Variants in PPARGC1A observed in about 807,000 individuals in gnomAD.
PPARGC1A encodes peroxisome proliferator-activated receptor gamma coactivator 1-alpha.
A neutral mutation model predicts 88.7 loss-of-function variants in PPARGC1A; 25 were observed. That is an observed-to-expected ratio of 0.28 (90% CI 0.21 to 0.39). The LOEUF is 0.39. Ranked by LOEUF, PPARGC1A falls within the 10% of genes least tolerant of loss-of-function variation. The probability of loss-of-function intolerance (pLI) is 1.00; values close to 1 mark genes in which losing one functional copy is unlikely to be tolerated. For missense variants in PPARGC1A, 880 were observed against 968.7 expected (o/e 0.91, Z 1.22); for synonymous variants, 363 against 355.6 (o/e 1.02, Z -0.24).
chr4:24,271,465 C>T, the PPARGC1A span, among the ~76,000 whole-genome samples: 1 of 152,152 alleles, frequency 6.6e-6, no homozygotes, highest in Non-Finnish European at 1.5e-5. Context: ...GTAAGCTCCA[C>T]CACCCAGGTT....
At chr4:23,996,627 T>C in the PPARGC1A span, among the ~76,000 whole-genome samples, 2 of 152,122 alleles carry the variant, frequency 1.3e-5, no homozygotes, top group Non-Finnish European at 1.5e-5. Context: ...CTAATGTGTC[T>C]GTTTCTACAA....
chr4:23,990,637 T>G, the PPARGC1A span, among the ~76,000 whole-genome samples: 1 of 151,982 alleles, frequency 6.6e-6, no homozygotes, highest in Non-Finnish European at 1.5e-5. Flanking sequence ...GAGAACTGAG[T>G]TAGTGCACTC....
the PPARGC1A span, among the ~76,000 whole-genome samples, chr4:24,243,205 T>C: frequency 6.6e-6 from 1 of 152,188 alleles, no homozygotes; most frequent in Non-Finnish European, 1.5e-5. Flanking sequence ...ATCATGACCA[T>C]AATTCACTCC....
chr4:24,077,413 C>A, the PPARGC1A span, among the ~76,000 whole-genome samples: 1 of 151,974 alleles, frequency 6.6e-6, no homozygotes, highest in Middle Eastern at 3.2e-3. Flanking sequence ...ATTTTATTCC[C>A]ATGGCAATGG....
chr4:24,145,042 A>G, the PPARGC1A span, among the ~76,000 whole-genome samples: 113 of 150,860 alleles, frequency 7.5e-4, no homozygotes, highest in African/African-American at 2.5e-3. Context: ...TGCAGTTTCA[A>G]GCACATCTGT....
the PPARGC1A span, among the ~76,000 whole-genome samples, chr4:24,140,207 T>G: frequency 6.6e-6 from 1 of 152,004 alleles, no homozygotes; most frequent in East Asian, 1.9e-4. Context: ...CAGCCAAGGG[T>G]AAACACAAGG....
At chr4:24,370,648 C>T in the PPARGC1A span, among the ~76,000 whole-genome samples, 1 of 151,752 alleles carries the variant, frequency 6.6e-6, no homozygotes. Context: ...GAATTACATG[C>T]TCCAGACTCC....
In PPARGC1A at chr4:23,840,120, C is replaced by T. The variant is rs10032795; in HGVS notation, c.235-8369G>A. Among the ~76,000 whole-genome samples the T allele has an allele frequency of 4.9e-3, 749 of 152,190 alleles. 5 individuals carry two copies. The highest frequency in any genetic ancestry group is 0.016 in the African/African-American group (685 of 41,540). ...AAACCCCTCTTCTGACCAAACCCTC[C>T]GTGGCTTCTCATGTCTCTAAGACTA... On this transcript the variant is annotated intron_variant, in intron 2 of 12. Coordinates refer to ENST00000264867, the MANE Select transcript of PPARGC1A (RefSeq NM_013261.5).
chr4:24,071,182 C>A, the PPARGC1A span, among the ~76,000 whole-genome samples: 4 of 152,110 alleles, frequency 2.6e-5, no homozygotes, highest in Non-Finnish European at 5.9e-5. Context: ...ACCATCCCCA[C>A]CTCAGTATGA....
the PPARGC1A span, among the ~76,000 whole-genome samples, chr4:24,072,466 C>A: frequency 3.3e-5 from 5 of 152,066 alleles, no homozygotes; most frequent in African/African-American, 1.2e-4. Flanking sequence ...TGCCTCCTCT[C>A]GATTTTTTCA....
chr4:24,015,732 A>G, the PPARGC1A span, among the ~76,000 whole-genome samples: 11 of 152,166 alleles, frequency 7.2e-5, no homozygotes, highest in African/African-American at 2.4e-4. Flanking sequence ...AGATGTGTTA[A>G]GTTGCATCTT....
chr4:24,194,508 T>G, the PPARGC1A span, among the ~76,000 whole-genome samples: 2 of 152,130 alleles, frequency 1.3e-5, no homozygotes, highest in East Asian at 3.9e-4. Context: ...TCACTCGCAC[T>G]AAGTATCAGA....
chr4:23,803,264 C>A (rs570492199), intron 10 of PPARGC1A, among the ~76,000 whole-genome samples: 16 of 152,052 alleles, frequency 1.1e-4, no homozygotes, highest in African/African-American at 3.9e-4. Context: ...ACAAGCACAC[C>A]TCAGCTATTT....
At chr4:24,078,447 T>C in the PPARGC1A span, among the ~76,000 whole-genome samples, 23 of 152,128 alleles carry the variant, frequency 1.5e-4, no homozygotes, top group African/African-American at 5.3e-4. Flanking sequence ...TTATTTTCCT[T>C]ATTCCATATT....
the PPARGC1A span, among the ~76,000 whole-genome samples, chr4:23,940,606 A>G: frequency 2.6e-5 from 4 of 152,250 alleles, no homozygotes; most frequent in Admixed American, 2.0e-4. Flanking sequence ...AAAATATCAA[A>G]TGAACAGTAA....
the PPARGC1A span, among the ~76,000 whole-genome samples, chr4:24,301,523 G>A: frequency 1.3e-5 from 2 of 150,616 alleles, no homozygotes; most frequent in Admixed American, 6.6e-5. Context: ...AGTTGAGAGC[G>A]GTTACGGTCA....
chr4:24,387,818 A>AAGAG, the PPARGC1A span, among the ~76,000 whole-genome samples: 2,666 of 79,816 alleles, frequency 0.033, 48 homozygotes, highest in East Asian at 0.045. Context: ...GAAAGAAAGA[A>AAGAG]AGAAAGAGAG....
chr4:24,014,182 A>G, the PPARGC1A span, among the ~76,000 whole-genome samples: 1 of 152,184 alleles, frequency 6.6e-6, no homozygotes, highest in South Asian at 2.1e-4. Flanking sequence ...ATAAAGCAAT[A>G]CAAATAAAGC....
At chr4:23,910,371 T>TATATTATA in the PPARGC1A span, among the ~76,000 whole-genome samples, 7 of 97,546 alleles carry the variant, frequency 7.2e-5, no homozygotes, top group South Asian at 2.6e-4. Context: ...ATATATTATA[T>TATATTATA]TATATTATAT....
Sources: gnomAD v4.1 joint callset for allele counts (sites outside exome capture counted in the v4.1 genomes callset) on GRCh38, gnomAD v4.1.1 for gene constraint, MANE v1.5 for transcripts, NCBI Gene and HGNC (gene_info 2026-07-23, HGNC 2026-07-21) for gene names.